ZNF391: variants seen among roughly 807,000 people sequenced by gnomAD.
ZNF391 encodes zinc finger protein 391.
For synonymous variants in ZNF391, 126 were observed against 142.1 expected (o/e 0.89, Z 0.80); for missense variants, 375 against 425.5 (o/e 0.88, Z 1.04).
At position 27,401,534 on chromosome 6, in the gene ZNF391, C is replaced by G; in HGVS notation, c.*87C>G. ...TATATATATTTCAAGTATATATATACTTGTTCTAATTTTCTTTTATTAGAT... is the reference window on the plus strand; with the variant it reads ...TATATATATTTCAAGTATATATATAGTTGTTCTAATTTTCTTTTATTAGAT... On this transcript the variant is annotated 3_prime_UTR_variant, in exon 3 of 3. Coordinates refer to ENST00000244576, the MANE Select transcript of ZNF391 (RefSeq NM_001076781.3). The G allele has an allele frequency of 9.8e-7, 1 of 1,016,656 alleles. No homozygotes were observed. Among genetic ancestry groups the G allele is most frequent in the Non-Finnish European group, 1.4e-6 (1 of 720,208 alleles). The allele number at this position is 1,016,656 out of a possible 1,614,324, so 63.0% of individuals were successfully genotyped here.
chr6:27,386,599 T>A (rs1044005920), upstream of ZNF391, among the ~76,000 whole-genome samples: 1 of 152,102 alleles, frequency 6.6e-6, no homozygotes, highest in Non-Finnish European at 1.5e-5. Context: ...GAAATAAACC[T>A]CACATATACG....
intron 2 of ZNF391, 32 bp from the exon 3 acceptor site, chr6:27,400,261 C>G (rs1052136211): frequency 1.1e-5 from 10 of 900,246 alleles, no homozygotes; most frequent in Non-Finnish European, 1.7e-5. Flanking sequence ...ATAGTAGATA[C>G]AGATGACATT....
chr6:27,394,358 A>T (rs79820514), intron 1 of ZNF391, among the ~76,000 whole-genome samples: 4,387 of 152,310 alleles, frequency 0.029, 72 homozygotes, highest in Non-Finnish European at 0.032. Flanking sequence ...CATGGTTCCA[A>T]TGGGCCCAGG....
rs1192369463 is a variant in ZNF391 at position 27,376,628 on chromosome 6, A to G, written n.523+1491A>G. On this transcript the variant is annotated intron_variant and non_coding_transcript_variant, in intron 1 of 2. Coordinates refer to the ZNF391 transcript ENST00000477999. The surrounding 1 kb of genome is among the most constrained non-coding windows in gnomAD (Gnocchi z 4.7). ...TAAAATAGAAACGAAATCAGTTTCC[A>G]CCCATTGATAAGGTATAACCTTATC... 2.0e-5 allele frequency among the ~76,000 whole-genome samples: 3 copies of G among 152,234 alleles called. No homozygotes were observed. In the East Asian group the frequency reaches 5.8e-4, roughly 29 times the overall value.
chr6:27,378,790 T>G (rs1761454347), intron 1 of ZNF391, among the ~76,000 whole-genome samples: 3 of 152,148 alleles, frequency 2.0e-5, no homozygotes, highest in Admixed American at 2.0e-4. Flanking sequence ...TAAAAATGTA[T>G]TTGAAGCTGT....
At chr6:27,381,407 G>A (rs1456610108) in intron 1 of ZNF391, among the ~76,000 whole-genome samples, 2 of 152,218 alleles carry the variant, frequency 1.3e-5, no homozygotes, top group African/African-American at 2.4e-5. Flanking sequence ...CCCAAGCACC[G>A]CGCGCAGCCC....
chr6:27,388,185 C>T (rs1450672032), upstream of ZNF391, among the ~76,000 whole-genome samples: 3 of 152,158 alleles, frequency 2.0e-5, no homozygotes, highest in Non-Finnish European at 4.4e-5. Context: ...TTCCCCTGCT[C>T]TGAACTCCCA....
At chr6:27,380,342 T>C (rs1357317271) in intron 1 of ZNF391, among the ~76,000 whole-genome samples, 2 of 151,938 alleles carry the variant, frequency 1.3e-5, no homozygotes, top group African/African-American at 2.4e-5. Flanking sequence ...GGCTCAGGAG[T>C]GAAGCTGCAG....
At chr6:27,400,110 C>G (rs1182513523) in intron 2 of ZNF391, among the ~76,000 whole-genome samples, 183 bp from the exon 3 acceptor site, 1 of 152,208 alleles carries the variant, frequency 6.6e-6, no homozygotes, top group African/African-American at 2.4e-5. Context: ...ACCATGCCCA[C>G]TGCAAAAATT....
Position 27,400,752 on chromosome 6 carries a change from A to G in ZNF391, c.382A>G (p.Ser128Gly), listed in dbSNP as rs753087130. ...FSYQSDLLVH[S>G]RIHGGEKPFE... Reference sequence around the variant, plus strand: ...TTACCAATCAGACCTTCTTGTACACAGTAGAATTCATGGTGGAGAAAAGCC... The same window carrying G: ...TTACCAATCAGACCTTCTTGTACACGGTAGAATTCATGGTGGAGAAAAGCC... The change falls in exon 3 of 3, where the codon AGT becomes GGT. Residue 128 changes from serine (S) to glycine (G), a missense_variant. Physicochemically the swap from Ser to Gly is moderately conservative, Grantham distance 56 (BLOSUM62 0). Coordinates refer to ENST00000244576, the MANE Select transcript of ZNF391 (RefSeq NM_001076781.3). The G allele has an allele frequency of 6.2e-7, 1 of 1,614,212 alleles. No homozygotes were observed. Among genetic ancestry groups the G allele is most frequent in the South Asian group, 1.1e-5 (1 of 91,090 alleles).
chr6:27,392,884 GAAT>G (rs1212249105), intron 1 of ZNF391, among the ~76,000 whole-genome samples: 1 of 152,128 alleles, frequency 6.6e-6, no homozygotes, highest in African/African-American at 2.4e-5. Flanking sequence ...TGTATTGCAG[GAAT>G]AATAATAATT....
intron 2 of ZNF391, among the ~76,000 whole-genome samples, 180 bp from the exon 3 acceptor site, chr6:27,400,113 C>T (rs1761914236): frequency 6.6e-6 from 1 of 152,172 alleles, no homozygotes; most frequent in African/African-American, 2.4e-5. Context: ...ATGCCCACTG[C>T]AAAAATTCTG....
chr6:27,397,340 C>T (rs1282300451), intron 1 of ZNF391, among the ~76,000 whole-genome samples: 1 of 152,210 alleles, frequency 6.6e-6, no homozygotes, highest in African/African-American at 2.4e-5. Flanking sequence ...GAAGAACTCA[C>T]TTATCACCAA....
chr6:27,398,477 T>G (rs914901613), intron 1 of ZNF391, among the ~76,000 whole-genome samples: 3 of 152,156 alleles, frequency 2.0e-5, no homozygotes, highest in Admixed American at 2.0e-4. Flanking sequence ...TCTCCCTTCT[T>G]ATAATACAAG....
In ZNF391 at chr6:27,402,100, A is replaced by AT. The variant is rs1369283200; in HGVS notation, c.*660dup. The AT allele has an allele frequency of 1.3e-5, 2 of 152,018 alleles. No homozygotes were observed. The highest frequency in any genetic ancestry group is 2.4e-5 in the African/African-American group (1 of 41,392). The allele number at this position is 152,018 out of a possible 1,614,324, so 9.4% of individuals were successfully genotyped here. On this transcript the variant is annotated 3_prime_UTR_variant, in exon 3 of 3. Transcript: ENST00000244576. ...AGCATTTTTCCTCAAAGTACAACTC[A>AT]TTTTTTTACTAACGCCTAACTAATC...
chr6:27,375,990 G>A (rs930699106), intron 1 of ZNF391, among the ~76,000 whole-genome samples: 1 of 152,176 alleles, frequency 6.6e-6, no homozygotes, highest in Non-Finnish European at 1.5e-5. Flanking sequence ...CTATGTAAAT[G>A]GAGAGGATGA....
intron 1 of ZNF391, among the ~76,000 whole-genome samples, chr6:27,398,845 C>T (rs1410260808): frequency 3.3e-5 from 5 of 151,690 alleles, no homozygotes; most frequent in South Asian, 2.1e-4. Context: ...GGCAACAGAG[C>T]GAGACTCCAT....
chr6:27,388,416 C>T (rs551583839), upstream of ZNF391, among the ~76,000 whole-genome samples: 1 of 152,024 alleles, frequency 6.6e-6, no homozygotes, highest in Admixed American at 6.6e-5. Context: ...TCTGGGGTGC[C>T]CCTTGAAAAT....
chr6:27,400,877 A>C lies in ZNF391; in HGVS notation c.507A>C (p.Glu169Asp). 1.2e-6 allele frequency: 2 copies of C among 1,614,208 alleles called. No individual in the cohort carries two copies. Among genetic ancestry groups the C allele is most frequent in the Non-Finnish European group, 1.7e-6 (2 of 1,180,028 alleles). ...GAGAGAAACCTTATGAATGCAATGA[A>C]TGTGGAAAAGCTTTTAGCCGGAGCA... is the stretch of plus-strand genomic sequence containing the variant. ...HTGEKPYECN[E>D]CGKAFSRSTH... The change falls in exon 3 of 3, where the codon GAA becomes GAC. Residue 169 changes from glutamate to aspartate, a missense_variant. Physicochemically the swap from Glu to Asp is conservative, Grantham distance 45 (BLOSUM62 2). Transcript: ENST00000244576.
Sources: gnomAD v4.1 joint callset for allele counts (sites outside exome capture counted in the v4.1 genomes callset) on GRCh38, gnomAD v4.1.1 for gene constraint, Gnocchi (gnomAD v3.1) non-coding constraint, MANE v1.5 for transcripts, NCBI Gene and HGNC (gene_info 2026-07-23, HGNC 2026-07-21) for gene names.